Variants in OVCH1 observed in about 807,000 individuals in gnomAD.
The protein encoded by OVCH1 is ovochymase-1.
OVCH1 carries 139 observed loss-of-function variants against 138.4 expected under a neutral mutation model. That is an observed-to-expected ratio of 1.00 (90% confidence interval 0.87 to 1.16). The LOEUF is 1.16. OVCH1 is among the 50% of genes most tolerant of loss of function. The probability of loss-of-function intolerance (pLI) is 0.00; values close to 1 mark genes in which losing one functional copy is unlikely to be tolerated. For missense variants in OVCH1, 1,367 were observed against 1,357.9 expected (o/e 1.01, Z -0.11); for synonymous variants, 453 against 467.8 (o/e 0.97, Z 0.41).
intron 3 of OVCH1, among the ~76,000 whole-genome samples, chr12:29,418,126 G>A (rs751249484): frequency 6.6e-5 from 10 of 152,090 alleles, no homozygotes; most frequent in Non-Finnish European, 1.0e-4. Flanking sequence ...AGGTGGGCAG[G>A]GTACTGTTAT....
the OVCH1 span, among the ~76,000 whole-genome samples, chr12:29,403,116 C>G: frequency 2.0e-5 from 3 of 152,044 alleles, no homozygotes; most frequent in Admixed American, 6.6e-5. Flanking sequence ...TTTTGAAGAG[C>G]AAAATTTTCA....
At chr12:29,473,206 T>G (rs989558147) in intron 14 of OVCH1, 103 bp from the exon 15 acceptor site, 1 of 732,330 alleles carries the variant, frequency 1.4e-6, no homozygotes, top group Admixed American at 2.4e-5. Context: ...ACTGTAGATC[T>G]CACTAACACT....
At chr12:29,433,887 A>C (rs1941312609) in intron 26 of OVCH1, 2 of 1,229,216 alleles carry the variant, frequency 1.6e-6, no homozygotes, top group Admixed American at 7.7e-5. Flanking sequence ...CAAAAAAAAA[A>C]GAAACAAAAG....
At position 29,486,327 on chromosome 12, in the gene OVCH1, A is replaced by G. The variant is rs1467030647; in HGVS notation, c.914T>C (p.Leu305Pro). 6 of 1,613,570 alleles carry G rather than the reference A, an allele frequency of 3.7e-6. No individual in the cohort carries two copies. The Admixed American group carries it at 8.3e-5, about 22-fold the overall frequency. The change falls in exon 8 of 28, where the codon CTC becomes CCC. Residue 305 changes from leucine to proline, a missense_variant. Physicochemically the swap from Leu to Pro is moderately conservative, Grantham distance 98. Coordinates refer to ENST00000318184, the Ensembl canonical transcript of OVCH1. The stretch of plus-strand genomic sequence containing the variant: ...TATATACCTTGAGCCCACTTTTGAG[A>G]GGGGTTGGCCCCGATCCAAACCTGT...
intron 26 of OVCH1, among the ~76,000 whole-genome samples, chr12:29,434,933 TATG>T (rs2135906694): frequency 6.6e-6 from 1 of 152,330 alleles, no homozygotes; most frequent in South Asian, 2.1e-4. Context: ...GCCCAGTTCT[TATG>T]ATGTCGGAAT....
At chr12:29,453,073 A>T (rs1941843224) in intron 21 of OVCH1, among the ~76,000 whole-genome samples, 1 of 152,158 alleles carries the variant, frequency 6.6e-6, no homozygotes, top group Non-Finnish European at 1.5e-5. Flanking sequence ...CCCTTATCTC[A>T]GGTCAGACCC....
At position 29,436,002 on chromosome 12, in the gene OVCH1, C is replaced by T. The variant is rs12823082; in HGVS notation, c.3265-2189G>A. On this transcript the variant is annotated intron_variant, in intron 26 of 27. Coordinates refer to ENST00000318184, the Ensembl canonical transcript of OVCH1. ...AATTAAACATATTGATCTTTTTAGA[C>T]CTGTATTTCATTTACTTTTTAAACA... Among the ~76,000 whole-genome samples the T allele has an allele frequency of 1.8e-4, 27 of 152,076 alleles. No individual in the cohort carries two copies. The East Asian group carries it at 4.6e-3, about 26-fold the overall frequency.
exon 28 of OVCH1, chr12:29,427,640 C>G (rs779804462): frequency 1.3e-6 from 2 of 1,551,010 alleles, no homozygotes; most frequent in South Asian, 2.4e-5. Context: ...ACTTCTCAGC[C>G]TCCATACTGT....
chr12:29,425,998 C>T (rs957997774), downstream of OVCH1: 4 of 152,102 alleles, frequency 2.6e-5, no homozygotes, highest in African/African-American at 9.7e-5. Flanking sequence ...GGGGGATATT[C>T]AAAATATTTA....
chr12:29,417,985 A>G (rs1415245809), intron 3 of OVCH1, among the ~76,000 whole-genome samples: 2 of 152,190 alleles, frequency 1.3e-5, no homozygotes, highest in Non-Finnish European at 2.9e-5. Context: ...TGGCAGAGGA[A>G]CAGTTAAAGA....
chr12:29,494,366 T>TA (rs1327290365), intron 4 of OVCH1, among the ~76,000 whole-genome samples: 1 of 152,204 alleles, frequency 6.6e-6, no homozygotes, highest in Non-Finnish European at 1.5e-5. Context: ...AGGGGGCTTT[T>TA]AGTATTTTAC....
At chr12:29,453,191 G>C (rs925677465) in intron 21 of OVCH1, among the ~76,000 whole-genome samples, 6 of 152,044 alleles carry the variant, frequency 3.9e-5, no homozygotes, top group Non-Finnish European at 8.8e-5. Flanking sequence ...TTGGACCCAA[G>C]TCTGCTCTCT....
downstream of OVCH1, among the ~76,000 whole-genome samples, chr12:29,424,529 A>AG (rs1290542793): frequency 9.2e-5 from 14 of 152,232 alleles, no homozygotes; most frequent in Non-Finnish European, 1.8e-4. Flanking sequence ...GGTAGGAGAC[A>AG]GAGAAAAACA....
chr12:29,479,672 G>C (rs1942860327), intron 8 of OVCH1, among the ~76,000 whole-genome samples: 2 of 152,062 alleles, frequency 1.3e-5, no homozygotes, highest in South Asian at 2.1e-4. Context: ...AAATTCAGCA[G>C]TCTTTACCTT....
intron 26 of OVCH1, chr12:29,439,288 A>G (rs534793678): frequency 6.4e-6 from 9 of 1,405,184 alleles, no homozygotes; most frequent in Middle Eastern, 2.0e-4. Flanking sequence ...TTAAGATGTT[A>G]TATAAGCCCA....
At chr12:29,475,302 G>T in intron 13 of OVCH1, 113 bp from the exon 14 acceptor site, 1 of 772,828 alleles carries the variant, frequency 1.3e-6, no homozygotes, top group Non-Finnish European at 1.9e-6. Context: ...CTCCAACTTT[G>T]ATTTGTATGC....
chr12:29,487,878 T>TCC lies in OVCH1; in HGVS notation c.705_706dup (p.Asp236GlyfsTer21). 6.2e-7 allele frequency: 1 copy of TCC among 1,606,980 alleles called. No homozygotes were observed. Among genetic ancestry groups the TCC allele is most frequent in the Non-Finnish European group, 8.5e-7 (1 of 1,177,470 alleles). Reference sequence around the variant, plus strand: ...TCTACAAACCAGTGGTCCTCCAGAGTCCCCCTTTCATGGTACAAAAAAAGA... The same window carrying TCC: ...TCTACAAACCAGTGGTCCTCCAGAGTCCCCCCCTTTCATGGTACAAAAAAAGA... On this transcript the variant is annotated frameshift_variant, in exon 7 of 28. Transcript: ENST00000318184. LOFTEE classifies it high-confidence loss of function.
At chr12:29,403,475 GA>G in the OVCH1 span, among the ~76,000 whole-genome samples, 1 of 151,790 alleles carries the variant, frequency 6.6e-6, no homozygotes, top group Non-Finnish European at 1.5e-5. Flanking sequence ...TGTAAAATAA[GA>G]AAAAAAAGTT....
In OVCH1 at chr12:29,468,432, T is replaced by C. The variant is rs546812465; in HGVS notation, c.1857-3213A>G. Among the ~76,000 whole-genome samples, 9 of 152,316 alleles carry C rather than the reference T, an allele frequency of 5.9e-5. No individual in the cohort carries two copies. In the South Asian group the frequency reaches 1.9e-3, roughly 32 times the overall value. ...ATTGATTCATCAAGTGGAATATCTATCTTGGGAAGAATAGGTTTGTTATAT... is the reference window on the plus strand; with the variant it reads ...ATTGATTCATCAAGTGGAATATCTACCTTGGGAAGAATAGGTTTGTTATAT... On this transcript the variant is annotated intron_variant, in intron 16 of 27. Transcript: ENST00000318184.
Sources: allele counts gnomAD v4.1 joint callset (sites outside exome capture counted in the v4.1 genomes callset), GRCh38; gene constraint gnomAD v4.1.1; transcripts MANE v1.5; gene names NCBI Gene and HGNC (gene_info 2026-07-23, HGNC 2026-07-21).